The following ZNF112 variants were observed in gnomAD, a reference collection of about 807,000 sequenced individuals.
ZNF112 encodes the protein zinc finger protein 112.
A neutral mutation model predicts 77.7 loss-of-function variants in ZNF112; 37 were observed. That is an observed-to-expected ratio of 0.48 (90% CI 0.37 to 0.63). ZNF112 has a LOEUF of 0.63. Among genes scored for constraint, ZNF112 ranks in the 20% least tolerant of loss-of-function variants. The pLI is 0.00. For synonymous variants in ZNF112, 333 were observed against 363.6 expected (o/e 0.92, Z 0.96); for missense variants, 950 against 1,077.4 (o/e 0.88, Z 1.66).
rs1032640078 is a variant in ZNF112, at chr19:44,348,191, C to T, written c.-3-7649G>A. On this transcript the variant is annotated intron_variant, in intron 1 of 3. Coordinates refer to ENST00000354340, the MANE Select transcript of ZNF112 (RefSeq NM_013380.4). ...CAGAAGTGATTTTCTCTGAGTTTAT[C>T]GTATTTGGTATTCAACGAGTTTCTG... is the stretch of plus-strand genomic sequence containing the variant. 3.3e-5 allele frequency among the ~76,000 whole-genome samples: 5 copies of T among 151,956 alleles called. No individual in the cohort carries two copies. In the South Asian group the frequency reaches 6.2e-4, roughly 19 times the overall value.
At chr19:44,363,413 C>T (rs1006320591) in intron 1 of ZNF112, among the ~76,000 whole-genome samples, 6 of 152,196 alleles carry the variant, frequency 3.9e-5, no homozygotes, top group African/African-American at 1.2e-4. Context: ...AGAACATTAA[C>T]ATTACCCCAC....
At chr19:44,337,045 A>AT (rs1035850651) in intron 2 of ZNF112, among the ~76,000 whole-genome samples, 1 of 150,598 alleles carries the variant, frequency 6.6e-6, no homozygotes, top group Non-Finnish European at 1.5e-5. Flanking sequence ...GCCCAGCTAA[A>AT]TTTTTTGTAG....
chr19:44,349,250 TA>T (rs1487734361), intron 1 of ZNF112, among the ~76,000 whole-genome samples: 1 of 152,104 alleles, frequency 6.6e-6, no homozygotes, highest in Non-Finnish European at 1.5e-5. Flanking sequence ...AGCATTAGGT[TA>T]ACTCAATTGG....
intron 1 of ZNF112, among the ~76,000 whole-genome samples, chr19:44,365,477 T>TAC (rs1397459319): frequency 3.5e-4 from 39 of 111,138 alleles, no homozygotes; most frequent in Non-Finnish European, 6.7e-4. Flanking sequence ...ATTATATATA[T>TAC]ATATATTTAT....
chr19:44,349,636 T>A (rs937225361), intron 1 of ZNF112, among the ~76,000 whole-genome samples: 2 of 151,904 alleles, frequency 1.3e-5, no homozygotes, highest in Non-Finnish European at 1.5e-5. Context: ...ACAAAAAAAA[T>A]AATGAAAATG....
rs1403323325 is a variant in ZNF112 at position 44,328,767 on chromosome 19, G to A, written c.1390C>T (p.Pro464Ser). The A allele has an allele frequency of 1.2e-6, 2 of 1,614,086 alleles. No homozygotes were observed. Among genetic ancestry groups the A allele is most frequent in the South Asian group, 1.1e-5 (1 of 91,076 alleles). The change falls in exon 4 of 4, where the codon CCA becomes TCA. Residue 464 changes from proline to serine, a missense_variant. Pro to Ser is a moderately conservative substitution (Grantham distance 74). Coordinates refer to ENST00000354340, the MANE Select transcript of ZNF112 (RefSeq NM_013380.4). Reference protein sequence around the residue: ...DLQIVHTKEQPYKRYVCSNSF... With the variant: ...DLQIVHTKEQSYKRYVCSNSF... ...TTACTACACACATAGCGTTTATATG[G>A]TTGTTCCTTAGTGTGGACTATCTGA...
chr19:44,334,645 C>A (rs1180231954), intron 3 of ZNF112, among the ~76,000 whole-genome samples: 1 of 152,238 alleles, frequency 6.6e-6, no homozygotes, highest in African/African-American at 2.4e-5. Context: ...CGGCACCCTG[C>A]ATTGTAGCTG....
rs1008697991 is a variant in ZNF112, at chr19:44,331,736, A to G, written c.221-1800T>C. 3.9e-5 allele frequency among the ~76,000 whole-genome samples: 6 copies of G among 152,352 alleles called. No homozygotes were observed. The East Asian group carries it at 9.7e-4, about 25-fold the overall frequency. ...AGTGAACAGTAGTTGCTCAATAAAC[A>G]TTGATGAATAAATCATAGTTTGAGT... On this transcript the variant is annotated intron_variant, in intron 3 of 3. Coordinates refer to ENST00000354340, the MANE Select transcript of ZNF112 (RefSeq NM_013380.4).
chr19:44,343,412 C>G (rs983012700), intron 1 of ZNF112: 1 of 871,606 alleles, frequency 1.1e-6, no homozygotes, highest in Non-Finnish European at 1.8e-6. Flanking sequence ...TGGCCACACA[C>G]CGGCGTTAAG....
intron 1 of ZNF112, among the ~76,000 whole-genome samples, chr19:44,365,133 G>T (rs766119676): frequency 6.6e-6 from 1 of 151,860 alleles, no homozygotes; most frequent in Non-Finnish European, 1.5e-5. Flanking sequence ...TTGTTGGAAG[G>T]CTTTATCTAT....
chr19:44,334,256 AT>A (rs1365241391), intron 3 of ZNF112, among the ~76,000 whole-genome samples: 1 of 152,206 alleles, frequency 6.6e-6, no homozygotes, highest in East Asian at 1.9e-4. Flanking sequence ...GGTGGAATAA[AT>A]TTCTAAGCAG....
In ZNF112 at chr19:44,330,122, A is replaced by G. The variant is rs368475436; in HGVS notation, c.221-186T>C. The stretch of plus-strand genomic sequence containing the variant: ...ACCAGTTACAGGTTGAGTATTCTCA[A>G]TCCAAAAATCTGAAATGTGAAATGC... On this transcript the variant is annotated intron_variant, in intron 3 of 3. Coordinates refer to ENST00000354340, the MANE Select transcript of ZNF112 (RefSeq NM_013380.4). 3.9e-5 allele frequency among the ~76,000 whole-genome samples: 6 copies of G among 152,296 alleles called. No homozygotes were observed. In the East Asian group the frequency reaches 9.7e-4, roughly 25 times the overall value.
In ZNF112 at chr19:44,337,840, T is replaced by TACAC. The variant is rs71171235; in HGVS notation, c.125-1126_125-1123dup. Among the ~76,000 whole-genome samples the TACAC allele has an allele frequency of 3.4e-3, 161 of 47,474 alleles. No individual in the cohort carries two copies. In the East Asian group the frequency reaches 0.059, roughly 17 times the overall value. 31.1% of individuals were successfully genotyped at this position (47,474 alleles called of 152,430 possible). On this transcript the variant is annotated intron_variant, in intron 2 of 3. Transcript: ENST00000354340. Reference sequence around the variant, plus strand: ...ATATGTGTATGTATATACATACACATACACACACACACACACACACACACA... The same window carrying TACAC: ...ATATGTGTATGTATATACATACACATACACACACACACACACACACACACACACA...
intron 2 of ZNF112, among the ~76,000 whole-genome samples, chr19:44,337,812 T>G (rs1013075471): frequency 2.9e-5 from 4 of 139,558 alleles, no homozygotes; most frequent in African/African-American, 1.1e-4. Context: ...TTTCTATGTG[T>G]GTATATGTGT....
At chr19:44,337,503 T>C (rs1970403697) in intron 2 of ZNF112, among the ~76,000 whole-genome samples, 1 of 138,402 alleles carries the variant, frequency 7.2e-6, no homozygotes, top group Non-Finnish European at 1.5e-5. Context: ...TAGTATACTA[T>C]TAATATTCTT....
intron 3 of ZNF112, among the ~76,000 whole-genome samples, chr19:44,331,425 G>C (rs1190854746): frequency 6.6e-6 from 1 of 152,200 alleles, no homozygotes; most frequent in African/African-American, 2.4e-5. Flanking sequence ...TTAAAGCTCA[G>C]ATTATAAGCA....
At chr19:44,348,492 T>TA (rs1179296340) in intron 1 of ZNF112, among the ~76,000 whole-genome samples, 1 of 152,166 alleles carries the variant, frequency 6.6e-6, no homozygotes, top group Non-Finnish European at 1.5e-5. Flanking sequence ...AATTTTTTTT[T>TA]ACTTCAGATG....
chr19:44,341,160 C>T (rs1250498190), intron 1 of ZNF112: 1 of 456,674 alleles, frequency 2.2e-6, no homozygotes, highest in Non-Finnish European at 4.4e-6. Context: ...GCATGGAAAA[C>T]AGCACCTGGC....
upstream of ZNF112, among the ~76,000 whole-genome samples, chr19:44,357,861 G>A (rs2123222719): frequency 6.6e-6 from 1 of 152,250 alleles, no homozygotes; most frequent in East Asian, 1.9e-4. Flanking sequence ...GGAGGACGGT[G>A]AATGGGTTGA....
Sources: gnomAD v4.1 joint callset for allele counts (sites outside exome capture counted in the v4.1 genomes callset) on GRCh38, gnomAD v4.1.1 for gene constraint, MANE v1.5 for transcripts, NCBI Gene and HGNC (gene_info 2026-07-23, HGNC 2026-07-21) for gene names.